Variants in ICE1 observed in about 807,000 individuals in gnomAD.
ICE1 encodes little elongation complex subunit 1.
In ICE1, 64 loss-of-function variants were observed where a neutral mutation model predicts 192.7. The ratio of observed to expected loss-of-function variants is 0.33; its 90% CI spans 0.27 to 0.41. The LOEUF (loss-of-function observed/expected upper bound fraction) is 0.41. Among genes scored for constraint, ICE1 ranks in the 10% least tolerant of loss-of-function variants. The probability of loss-of-function intolerance (pLI) is 1.00; values close to 1 mark genes in which losing one functional copy is unlikely to be tolerated. For missense variants in ICE1, 2,708 were observed against 2,696.0 expected (o/e 1.00, Z -0.10); for synonymous variants, 1,010 against 984.5 (o/e 1.03, Z -0.49).
intron 10 of ICE1, among the ~76,000 whole-genome samples, chr5:5,449,456 G>A (rs1212196208): frequency 6.8e-6 from 1 of 147,318 alleles, no homozygotes; most frequent in Non-Finnish European, 1.5e-5. Context: ...AAAAATTTTC[G>A]ACCGGAAAAA....
Position 5,462,244 on chromosome 5 carries a change from C to T in ICE1, c.2910C>T (p.Asp970=), listed in dbSNP as rs964052752. Residue 970 remains aspartate (D), a synonymous_variant, in exon 13 of 19, where the codon GAC becomes GAT. Coordinates refer to ENST00000296564, the MANE Select transcript of ICE1 (RefSeq NM_015325.3). ...AAAATATCCTCATCCAAAACCAAGA[C>T]ATTGTGAGAGAAGCTGCAGTGCAGG... ...SPENILIQNQ[D]IVREAAVQGD... is the part of the protein sequence containing the mutation. 6.2e-7 allele frequency: 1 copy of T among 1,611,906 alleles called. No homozygotes were observed. Among genetic ancestry groups the T allele is most frequent in the Admixed American group, 1.7e-5 (1 of 59,622 alleles).
intron 1 of ICE1, among the ~76,000 whole-genome samples, chr5:5,425,499 T>C (rs183711575): frequency 3.5e-4 from 53 of 152,348 alleles, no homozygotes; most frequent in African/African-American, 1.3e-3. Context: ...CTTCTCTAGG[T>C]CAGGACACTA....
rs201946992 is a variant in ICE1, at chr5:5,465,172, C to T, written c.5838C>T (p.Pro1946=). The T allele has an allele frequency of 3.1e-5, 49 of 1,603,642 alleles. No individual in the cohort carries two copies. Among genetic ancestry groups the T allele is most frequent in the East Asian group, 8.9e-5 (4 of 44,706 alleles). The part of the protein sequence containing the change: ...HVYVGNISKK[P]VMRDQEKEVV... Reference sequence around the variant, plus strand: ...ATGTGGGAAATATCTCCAAAAAGCCCGTAATGAGAGATCAAGAGAAGGAAG... The same window carrying T: ...ATGTGGGAAATATCTCCAAAAAGCCTGTAATGAGAGATCAAGAGAAGGAAG... The change falls in exon 13 of 19, where the codon CCC becomes CCT. Residue 1946 remains proline, a synonymous_variant. Coordinates refer to ENST00000296564, the MANE Select transcript of ICE1 (RefSeq NM_015325.3).
chr5:5,464,268 G>A lies in ICE1; in HGVS notation c.4934G>A (p.Arg1645Lys). ...LLAPLIATPP[R>K]TSQPLSPLIS... ...GCTCCTCTGATAGCTACACCTCCAA[G>A]GACTTCACAGCCACTGTCTCCACTG... The change falls in exon 13 of 19, where the codon AGG (arginine) becomes AAG (lysine). Residue 1645 changes from arginine to lysine, a missense_variant. Transcript: ENST00000296564. The surrounding 1 kb of genome is among the most constrained non-coding windows in gnomAD (Gnocchi z 4.0). 1 of 1,613,456 alleles carries A rather than the reference G, an allele frequency of 6.2e-7. No individual in the cohort carries two copies. The highest frequency in any genetic ancestry group is 8.5e-7 in the Non-Finnish European group (1 of 1,179,798).
At chr5:5,449,158 A>G (rs1487068679) in intron 10 of ICE1, among the ~76,000 whole-genome samples, 1 of 152,162 alleles carries the variant, frequency 6.6e-6, no homozygotes, top group Admixed American at 6.5e-5. Context: ...TACTATCTCA[A>G]GTAAAATTGT....
intron 10 of ICE1, among the ~76,000 whole-genome samples, chr5:5,451,999 C>T (rs576488049): frequency 6.6e-6 from 1 of 152,124 alleles, no homozygotes; most frequent in Non-Finnish European, 1.5e-5. Context: ...AGGAATACTA[C>T]AGCTGGGTCA....
intron 14 of ICE1, 66 bp from the exon 15 acceptor site, chr5:5,468,762 C>T: frequency 3.0e-6 from 3 of 1,004,444 alleles, no homozygotes; most frequent in Non-Finnish European, 4.1e-6. Context: ...ACAATTTGTT[C>T]TTAATTTGCA....
At chr5:5,474,154 G>A (rs1373133007) in intron 16 of ICE1, among the ~76,000 whole-genome samples, 1 of 151,310 alleles carries the variant, frequency 6.6e-6, no homozygotes, top group Non-Finnish European at 1.5e-5. Context: ...AGCTTGCAGT[G>A]AGCGGAGATT....
rs769234020 is a variant in ICE1 at position 5,423,032 on chromosome 5, G to T, written c.84+33G>T. On this transcript the variant is annotated intron_variant, in intron 1 of 18. Coordinates refer to ENST00000296564, the MANE Select transcript of ICE1 (RefSeq NM_015325.3). The stretch of plus-strand genomic sequence containing the variant: ...ACCTCCCGGGGCCCCGGGCGCGGGG[G>T]GGGACTCGGCTCGGCCGGCCGGGAG... 62 of 1,320,376 alleles carry T rather than the reference G, an allele frequency of 4.7e-5. No homozygotes were observed. The South Asian group carries it at 1.1e-3, about 24-fold the overall frequency. The allele number at this position is 1,320,376 out of a possible 1,614,324, so 81.8% of individuals were successfully genotyped here.
In ICE1 at chr5:5,441,227, T is replaced by C. The variant is rs373998322; in HGVS notation, c.309+4T>C. On this transcript the variant is annotated splice_donor_region_variant and intron_variant, in intron 5 of 18. Coordinates refer to ENST00000296564, the MANE Select transcript of ICE1 (RefSeq NM_015325.3). ...AGCAGAGCTAGAAGAGAAAAAGGTA[T>C]GAACAATAATTTTCTGTAAAGATTT... is the stretch of plus-strand genomic sequence containing the variant. 178 of 1,497,750 alleles carry C rather than the reference T, an allele frequency of 1.2e-4. No individual in the cohort carries two copies. Among genetic ancestry groups the C allele is most frequent in the Non-Finnish European group, 1.3e-4 (148 of 1,097,750 alleles). The allele number at this position is 1,497,750 out of a possible 1,614,324, so 92.8% of individuals were successfully genotyped here.
intron 3 of ICE1, among the ~76,000 whole-genome samples, chr5:5,439,121 T>C (rs1427924178): frequency 6.6e-6 from 1 of 152,180 alleles, no homozygotes; most frequent in East Asian, 1.9e-4. Context: ...CTGACCACTT[T>C]ATTATCACCT....
intron 11 of ICE1, among the ~76,000 whole-genome samples, chr5:5,456,342 T>C (rs1357417628): frequency 6.6e-6 from 1 of 152,258 alleles, no homozygotes; most frequent in African/African-American, 2.4e-5. Context: ...AGATCTTGCC[T>C]GCTATAATTA....
chr5:5,485,233 A>T (rs1484275323), intron 17 of ICE1, among the ~76,000 whole-genome samples: 2 of 152,202 alleles, frequency 1.3e-5, no homozygotes, highest in Non-Finnish European at 2.9e-5. Flanking sequence ...TTATTTAGTT[A>T]TTCATTTAAA....
intron 17 of ICE1, among the ~76,000 whole-genome samples, chr5:5,478,004 C>A (rs1218440429): frequency 6.6e-6 from 1 of 152,152 alleles, no homozygotes; most frequent in Admixed American, 6.5e-5. Context: ...TATGACAAAT[C>A]TACAGCCAGT....
chr5:5,484,682 C>T (rs1394725203), intron 17 of ICE1, among the ~76,000 whole-genome samples: 1 of 152,192 alleles, frequency 6.6e-6, no homozygotes, highest in African/African-American at 2.4e-5. Flanking sequence ...ATTCAGGCTG[C>T]ACGTACCTAG....
rs560715048 is a variant in ICE1, at chr5:5,469,824, A to G, written c.6222+836A>G. Among the ~76,000 whole-genome samples, 7 of 152,294 alleles carry G rather than the reference A, an allele frequency of 4.6e-5. No individual in the cohort carries two copies. The South Asian group carries it at 8.3e-4, about 18-fold the overall frequency. On this transcript the variant is annotated intron_variant, in intron 15 of 18. Coordinates refer to ENST00000296564, the MANE Select transcript of ICE1 (RefSeq NM_015325.3). ...TTTGTAATGATCTCTTCATCAATCT[A>G]TCTAGACACAACAGAGTAGATTCAT...
chr5:5,423,587 A>C (rs1737406674), intron 1 of ICE1, among the ~76,000 whole-genome samples: 1 of 152,240 alleles, frequency 6.6e-6, no homozygotes, highest in Admixed American at 6.5e-5. Context: ...TATGAAAGGC[A>C]TGCAGAGACT....
At chr5:5,434,017 T>A (rs998400676) in intron 1 of ICE1, among the ~76,000 whole-genome samples, 12 of 152,156 alleles carry the variant, frequency 7.9e-5, no homozygotes, top group African/African-American at 2.9e-4. Context: ...GTTCAATTAC[T>A]TTTATCCCCA....
chr5:5,467,708 A>G (rs953194272), intron 14 of ICE1, among the ~76,000 whole-genome samples: 3 of 152,226 alleles, frequency 2.0e-5, no homozygotes, highest in Admixed American at 1.3e-4. Flanking sequence ...AAATTAACAG[A>G]TGAAGTTTAG....
Sources: allele counts gnomAD v4.1 joint callset (sites outside exome capture counted in the v4.1 genomes callset), GRCh38; gene constraint gnomAD v4.1.1; non-coding constraint Gnocchi (gnomAD v3.1); transcripts MANE v1.5; gene names NCBI Gene and HGNC (gene_info 2026-07-23, HGNC 2026-07-21).